The following WNK1 variants were observed in gnomAD, a reference collection of about 807,000 sequenced individuals.
WNK1 encodes serine/threonine-protein kinase WNK1.
Under a neutral mutation model 222.8 loss-of-function variants are expected in WNK1, and 38 were observed. The ratio of observed to expected loss-of-function variants is 0.17; its 90% CI spans 0.13 to 0.22. The LOEUF (loss-of-function observed/expected upper bound fraction) is 0.22. Among genes scored for constraint, WNK1 ranks in the 10% least tolerant of loss-of-function variants. WNK1 has a pLI of 1.00. For missense variants in WNK1, 2,348 were observed against 2,918.4 expected (o/e 0.80, Z 4.50); for synonymous variants, 1,090 against 1,092.9 (o/e 1.00, Z 0.05).
intron 9 of WNK1, among the ~76,000 whole-genome samples, chr12:874,607 T>C (rs1258063462): frequency 6.6e-6 from 1 of 152,196 alleles, no homozygotes; most frequent in Non-Finnish European, 1.5e-5. Flanking sequence ...TGAAAGAGTC[T>C]AAATAATATA....
At chr12:888,325 A>G (rs1483908238) in intron 20 of WNK1, among the ~76,000 whole-genome samples, 2 of 152,232 alleles carry the variant, frequency 1.3e-5, no homozygotes, top group Non-Finnish European at 2.9e-5. Flanking sequence ...GGGAAAGTGC[A>G]TTGTGAAAGT....
intron 9 of WNK1, among the ~76,000 whole-genome samples, chr12:875,291 G>A (rs1265534312): frequency 6.6e-6 from 1 of 152,116 alleles, no homozygotes; most frequent in Non-Finnish European, 1.5e-5. Context: ...TTAGAAAAGA[G>A]GGGAATAACC....
At chr12:787,396 C>T (rs1430392875) in intron 1 of WNK1, among the ~76,000 whole-genome samples, 7 of 152,092 alleles carry the variant, frequency 4.6e-5, no homozygotes, top group African/African-American at 7.2e-5. Flanking sequence ...GGATTTCAGG[C>T]GTGAGCCACC....
At chr12:865,669 A>G (rs1475710372) in intron 8 of WNK1, among the ~76,000 whole-genome samples, 2 of 152,184 alleles carry the variant, frequency 1.3e-5, no homozygotes, top group African/African-American at 2.4e-5. Flanking sequence ...TCATTTTCAT[A>G]TTCTAGTTTT....
chr12:833,862 A>C (rs1449492186), intron 4 of WNK1, among the ~76,000 whole-genome samples: 1 of 152,216 alleles, frequency 6.6e-6, no homozygotes, highest in African/African-American at 2.4e-5. Flanking sequence ...GCTATGTCCC[A>C]TGCCCAGAGC....
In WNK1 at chr12:817,832, A is replaced by ACCT. The variant is rs140035530; in HGVS notation, c.932+4018_932+4019insCCT. On this transcript the variant is annotated intron_variant, in intron 2 of 27. Transcript: ENST00000315939. Reference sequence around the variant, plus strand: ...GCTGGGCATGATGGCGGGCGCCTGTAATCCCAGCTACCCGGGAGGCTGAGG... The same window carrying ACCT: ...GCTGGGCATGATGGCGGGCGCCTGTACCTATCCCAGCTACCCGGGAGGCTGAGG... Among the ~76,000 whole-genome samples the ACCT allele has an allele frequency of 4.0e-5, 6 of 151,722 alleles. No individual in the cohort carries two copies. In the East Asian group the frequency reaches 1.2e-3, roughly 30 times the overall value.
At chr12:807,864 C>G (rs1816372505) in intron 1 of WNK1, among the ~76,000 whole-genome samples, 1 of 151,764 alleles carries the variant, frequency 6.6e-6, no homozygotes, top group African/African-American at 2.4e-5. Flanking sequence ...GGACTACAGG[C>G]GCGCGCCACT....
chr12:873,352 AATT>A (rs1482361892), intron 9 of WNK1, among the ~76,000 whole-genome samples: 3 of 151,980 alleles, frequency 2.0e-5, no homozygotes. Context: ...AGATTAAAAG[AATT>A]AGGTAGCTAC....
Position 908,000 on chromosome 12 carries a change from G to T in WNK1, c.6797G>T (p.Gly2266Val), listed in dbSNP as rs770327670. The T allele has an allele frequency of 2.4e-5, 39 of 1,614,050 alleles. No homozygotes were observed. The highest frequency in any genetic ancestry group is 3.1e-5 in the Non-Finnish European group (37 of 1,180,042). ...NWARDAMNLS[G>V]RRGSKGHMNY... ...GCCCGAGATGCCATGAATCTCTCAG[G>T]CAGGAGAGGAAGCAAAGGGCACATG... The change falls in exon 27 of 28, where the codon GGC becomes GTC. Residue 2266 changes from glycine (G) to valine (V), a missense_variant. Around this residue, in one of 13 missense-constraint regions of WNK1, gnomAD observed 55 missense variants for 104.1 expected, o/e 0.53. Transcript: ENST00000315939.
In WNK1 at chr12:882,072, A is replaced by C. The variant is rs146034789; in HGVS notation, c.3371A>C (p.Asn1124Thr). 2 of 1,609,392 alleles carry C rather than the reference A, an allele frequency of 1.2e-6. No homozygotes were observed. Among genetic ancestry groups the C allele is most frequent in the South Asian group, 2.2e-5 (2 of 90,418 alleles). The part of the protein sequence containing the change: ...KTSRPKLRIL[N>T]VSNKGDRVVE... ...TCACGCCCAAAATTAAGAATTTTGAATGTAAGTATTCCTAATTTGTGAGTT... is the reference window on the plus strand; with the variant it reads ...TCACGCCCAAAATTAAGAATTTTGACTGTAAGTATTCCTAATTTGTGAGTT... The change falls in exon 14 of 28, where the codon AAT (asparagine) becomes ACT (threonine). Residue 1124 changes from asparagine (N) to threonine (T), a missense_variant and splice_region_variant. Around this residue, in one of 13 missense-constraint regions of WNK1, gnomAD observed 20 missense variants for 65.0 expected, o/e 0.31. Coordinates refer to ENST00000315939, the MANE Select transcript of WNK1 (RefSeq NM_018979.4).
Position 800,017 on chromosome 12 carries a change from A to C in WNK1, c.760-13625A>C, listed in dbSNP as rs191071887. ...AAGTTAATTAGGCACAGTGGTGCGC[A>C]CCCATAGTCCCAGCTACTTGGGAGG... On this transcript the variant is annotated intron_variant, in intron 1 of 27. Transcript: ENST00000315939. Among the ~76,000 whole-genome samples the C allele has an allele frequency of 1.2e-3, 189 of 152,164 alleles. 8 individuals carry two copies. The highest frequency in any genetic ancestry group is 0.012 in the Admixed American group (188 of 15,284).
At chr12:872,515 A>G (rs61559199) in intron 9 of WNK1, among the ~76,000 whole-genome samples, 8,216 of 152,280 alleles carry the variant, frequency 0.054, 607 homozygotes, top group African/African-American at 0.16. Flanking sequence ...ATCCTGATAC[A>G]TCCAACAGTA....
chr12:895,599 C>T (rs149652018), intron 23 of WNK1, among the ~76,000 whole-genome samples: 2,341 of 152,208 alleles, frequency 0.015, 60 homozygotes, highest in African/African-American at 0.053. Flanking sequence ...GCTGGGATTA[C>T]AGGCACACGC....
At chr12:834,684 A>G (rs1949046808) in intron 4 of WNK1, among the ~76,000 whole-genome samples, 1 of 152,210 alleles carries the variant, frequency 6.6e-6, no homozygotes, top group African/African-American at 2.4e-5. Context: ...TAAAAGAGAT[A>G]CTATTACCCT....
rs141910048 is a variant in WNK1 at position 880,719 on chromosome 12, A to G, written c.2833-2A>G. 1.2e-6 allele frequency: 2 copies of G among 1,612,422 alleles called. No individual in the cohort carries two copies. The highest frequency in any genetic ancestry group is 2.7e-5 in the African/African-American group (2 of 74,356). On this transcript the variant is annotated splice_acceptor_variant, in intron 11 of 27. Coordinates refer to ENST00000315939, the MANE Select transcript of WNK1 (RefSeq NM_018979.4). LOFTEE classifies it high-confidence loss of function. The stretch of plus-strand genomic sequence containing the variant: ...AACTCACCTTCCTCATTTCTGTCAC[A>G]GGGCTTCCCACCTCGACTGCCACCA...
intron 4 of WNK1, among the ~76,000 whole-genome samples, chr12:834,157 A>G (rs1404580282): frequency 5.3e-5 from 8 of 152,174 alleles, no homozygotes; most frequent in Non-Finnish European, 5.9e-5. Flanking sequence ...TGAGATGCCA[A>G]ACACCGTAGT....
chr12:769,178 C>T (rs966517926), intron 1 of WNK1, among the ~76,000 whole-genome samples: 3 of 151,884 alleles, frequency 2.0e-5, no homozygotes, highest in African/African-American at 7.3e-5. Context: ...ACAGTTGTCC[C>T]AGATTTGGCT....
chr12:896,871 CCCCATACCTCCCCACCACACACACACA>C, intron 24 of WNK1, 139 bp downstream of exon 24: 3 of 691,200 alleles, frequency 4.3e-6, no homozygotes, highest in African/African-American at 3.7e-5. Flanking sequence ...AGAAGCCCCA[CCCCATACCTCCCCACCACACACACACA>C]CACACACACA....
intron 4 of WNK1, among the ~76,000 whole-genome samples, chr12:849,524 A>G (rs1950263693): frequency 1.3e-5 from 2 of 152,170 alleles, no homozygotes; most frequent in African/African-American, 4.8e-5. Flanking sequence ...AGGAGGGAGA[A>G]GAAGAGGCAA....
Sources: allele counts gnomAD v4.1 joint callset (sites outside exome capture counted in the v4.1 genomes callset), GRCh38; gene constraint gnomAD v4.1.1; regional missense constraint gnomAD v4.1.1; transcripts MANE v1.5; gene names NCBI Gene and HGNC (gene_info 2026-07-23, HGNC 2026-07-21).